Variants in MICAL3 observed in about 807,000 individuals in gnomAD.
MICAL3 encodes the protein microtubule associated monooxygenase, calponin and LIM domain containing 3, also known as [F-actin]-monooxygenase MICAL3.
In MICAL3, 62 loss-of-function variants were observed where a neutral mutation model predicts 207.4. The ratio of observed to expected loss-of-function variants is 0.30; its 90% CI spans 0.24 to 0.37. The LOEUF (loss-of-function observed/expected upper bound fraction) is 0.37. Among genes scored for constraint, MICAL3 ranks in the 10% least tolerant of loss-of-function variants. MICAL3 has a pLI of 1.00. For synonymous variants in MICAL3, 1,077 were observed against 1,069.3 expected (o/e 1.01, Z -0.14); for missense variants, 2,368 against 2,635.6 (o/e 0.90, Z 2.22).
At chr22:17,997,112 G>A (rs1164196389) in intron 1 of MICAL3, among the ~76,000 whole-genome samples, 2 of 132,180 alleles carry the variant, frequency 1.5e-5, no homozygotes, top group Non-Finnish European at 1.5e-5. Context: ...CTGGAGTGCT[G>A]GAGTGCAGTG....
chr22:17,881,336 A>G (rs1442061034), intron 16 of MICAL3: 2 of 1,555,536 alleles, frequency 1.3e-6, no homozygotes, highest in African/African-American at 1.4e-5. Flanking sequence ...CAGAGAGAAC[A>G]TCATTCAAAC....
At chr22:17,988,021 T>G (rs1921226728) in intron 1 of MICAL3, among the ~76,000 whole-genome samples, 2 of 152,150 alleles carry the variant, frequency 1.3e-5, no homozygotes, top group Non-Finnish European at 2.9e-5. Flanking sequence ...GGGCACCTGC[T>G]GCCCAGAACA....
At position 17,901,957 on chromosome 22, in the gene MICAL3, C is replaced by T. The variant is rs954031340; in HGVS notation, c.612G>A (p.Val204=). Residue 204 remains valine (V), a synonymous_variant, in exon 5 of 32, where the codon GTG becomes GTA. Coordinates refer to ENST00000441493, the MANE Select transcript of MICAL3 (RefSeq NM_015241.3). The part of the protein sequence containing the change: ...ENERIGWRAL[V]HPKTHPVSEY... The stretch of plus-strand genomic sequence containing the variant: ...CTGACACAGGATGAGTCTTGGGGTG[C>T]ACCAGTGCCCGCCAGCCTATCCCTG... 1 of 1,613,208 alleles carries T rather than the reference C, an allele frequency of 6.2e-7. No homozygotes were observed. The highest frequency in any genetic ancestry group is 1.3e-5 in the African/African-American group (1 of 74,914).
intron 19 of MICAL3, among the ~76,000 whole-genome samples, chr22:17,843,298 C>T (rs1223752348): frequency 3.3e-5 from 5 of 152,258 alleles, no homozygotes; most frequent in South Asian, 2.1e-4. Context: ...GTTCTGCTGC[C>T]TCCCTTATCA....
At position 17,818,329 on chromosome 22, in the gene MICAL3, G is replaced by C; in HGVS notation, c.4332C>G (p.Ser1444Arg). ...GCATGGCGGAGTCCGAGGTGTTGAAGCTCTGGCTGCCCAGTGTCTTCATGT... is the reference window on the plus strand; with the variant it reads ...GCATGGCGGAGTCCGAGGTGTTGAACCTCTGGCTGCCCAGTGTCTTCATGT... ...SSNMKTLGSQ[S>R]FNTSDSAMLT... The change falls in exon 26 of 32, where the codon AGC becomes AGG. Residue 1444 changes from serine (S) to arginine (R), a missense_variant. Ser to Arg is a moderately radical substitution (Grantham distance 110). This residue lies in a region of MICAL3 where 1,770 missense variants were observed against 1,863.2 expected (regional missense o/e 0.95). Transcript: ENST00000441493. 4 of 1,585,674 alleles carry C rather than the reference G, an allele frequency of 2.5e-6. No homozygotes were observed. The highest frequency in any genetic ancestry group is 3.4e-6 in the Non-Finnish European group (4 of 1,169,598).
chr22:17,816,356 T>C (rs1034464032), intron 27 of MICAL3, among the ~76,000 whole-genome samples: 1 of 152,190 alleles, frequency 6.6e-6, no homozygotes, highest in African/African-American at 2.4e-5. Context: ...CTGGGGCTGG[T>C]GGGCTGCTCC....
chr22:17,810,291 C>T (rs546118561), intron 28 of MICAL3, among the ~76,000 whole-genome samples: 1 of 152,202 alleles, frequency 6.6e-6, no homozygotes, highest in South Asian at 2.1e-4. Context: ...TCTCAATCTC[C>T]TGACCTTGTG....
At chr22:18,021,512 G>A (rs1185490755) in intron 1 of MICAL3, among the ~76,000 whole-genome samples, 1 of 152,238 alleles carries the variant, frequency 6.6e-6, no homozygotes. Flanking sequence ...ATTGTCTCAA[G>A]AGGTCAGGCT....
chr22:17,798,410 A>G (rs530120118), intron 29 of MICAL3, among the ~76,000 whole-genome samples: 229 of 152,236 alleles, frequency 1.5e-3, no homozygotes, highest in Non-Finnish European at 2.7e-3. Context: ...TTTGGTTTTC[A>G]GTTCCCTTTG....
At chr22:17,911,102 C>T (rs1307482486) in intron 1 of MICAL3, among the ~76,000 whole-genome samples, 3 of 152,162 alleles carry the variant, frequency 2.0e-5, no homozygotes, top group South Asian at 2.1e-4. Context: ...ATGTTTTGTC[C>T]GCAGCAGCTG....
intron 1 of MICAL3, among the ~76,000 whole-genome samples, chr22:17,963,132 G>T (rs1266428046): frequency 2.6e-5 from 4 of 151,962 alleles, no homozygotes; most frequent in Admixed American, 2.6e-4. Context: ...ACTTATTTTT[G>T]AAACGGGTCT....
chr22:17,893,941 C>T, intron 10 of MICAL3, 37 bp from the exon 11 acceptor site: 1 of 1,454,108 alleles, frequency 6.9e-7, no homozygotes, highest in Non-Finnish European at 9.4e-7. Context: ...GAAAGAAAAT[C>T]AAATATCAAG....
intron 1 of MICAL3, among the ~76,000 whole-genome samples, chr22:17,938,589 C>G (rs968483472): frequency 6.6e-6 from 1 of 152,140 alleles, no homozygotes; most frequent in African/African-American, 2.4e-5. Context: ...ACTTTGATAC[C>G]AAGCACAATT....
chr22:17,920,952 G>A (rs1932787243), intron 1 of MICAL3, among the ~76,000 whole-genome samples: 1 of 152,284 alleles, frequency 6.6e-6, no homozygotes, highest in East Asian at 1.9e-4. Flanking sequence ...AGCTGGGAAA[G>A]GGATCATGCA....
Position 17,902,628 on chromosome 22 carries a change from T to TA in MICAL3, c.589+2dup. On this transcript the variant is annotated splice_region_variant and intron_variant, in intron 4 of 31. Coordinates refer to ENST00000441493, the MANE Select transcript of MICAL3 (RefSeq NM_015241.3). This position sits in a 1 kb window ranked among gnomAD's most constrained non-coding sequence, Gnocchi z 4.5. ...CCTTCTTCACTCCTCCAGTATAACTTACGTTCATTCTCTTGGTCCTCAGGA... is the reference window on the plus strand; with the variant it reads ...CCTTCTTCACTCCTCCAGTATAACTTAACGTTCATTCTCTTGGTCCTCAGGA... 1 of 1,557,072 alleles carries TA rather than the reference T, an allele frequency of 6.4e-7. No homozygotes were observed. The highest frequency in any genetic ancestry group is 2.3e-5 in the East Asian group (1 of 44,300).
intron 16 of MICAL3, among the ~76,000 whole-genome samples, chr22:17,873,770 C>G (rs1234832810): frequency 1.3e-5 from 2 of 152,246 alleles, no homozygotes; most frequent in African/African-American, 4.8e-5. Context: ...CACACCTAAG[C>G]TGGGTGCCCA....
intron 1 of MICAL3, among the ~76,000 whole-genome samples, chr22:17,980,301 T>C (rs1201299261): frequency 6.6e-6 from 1 of 152,192 alleles, no homozygotes; most frequent in African/African-American, 2.4e-5. Context: ...GAAAGGGCCT[T>C]TGGTGGAAGG....
At chr22:17,955,322 T>C (rs1239603690) in intron 1 of MICAL3, among the ~76,000 whole-genome samples, 1 of 152,204 alleles carries the variant, frequency 6.6e-6, no homozygotes, top group African/African-American at 2.4e-5. Flanking sequence ...TGTTCCATCC[T>C]AACCCTCCAC....
At chr22:17,881,922 C>T (rs921775853) in intron 16 of MICAL3, among the ~76,000 whole-genome samples, 3 of 152,204 alleles carry the variant, frequency 2.0e-5, no homozygotes, top group Non-Finnish European at 4.4e-5. Context: ...GTATTCCCTT[C>T]GAGAGTCTGT....
Sources: allele counts gnomAD v4.1 joint callset (sites outside exome capture counted in the v4.1 genomes callset), GRCh38; gene constraint gnomAD v4.1.1; regional missense constraint gnomAD v4.1.1; non-coding constraint Gnocchi (gnomAD v3.1); transcripts MANE v1.5; gene names NCBI Gene and HGNC (gene_info 2026-07-23, HGNC 2026-07-21).